SRARP: variants seen among roughly 807,000 people sequenced by gnomAD.
SRARP encodes the protein steroid receptor associated and regulated protein.
A neutral mutation model predicts 3.6 loss-of-function variants in SRARP; 5 were observed. The observed-to-expected ratio is 1.39, with a 90% CI of 0.73 to 2.93. The LOEUF is 2.93. Among genes scored for constraint, SRARP ranks in the 30% most tolerant of loss-of-function variants. The pLI is 0.00. For missense variants in SRARP, 215 were observed against 216.7 expected (o/e 0.99, Z 0.05); for synonymous variants, 96 against 91.6 (o/e 1.05, Z -0.27).
Position 16,006,185 on chromosome 1 carries a change from G to C in SRARP, c.349G>C (p.Val117Leu). 1 of 1,613,908 alleles carries C rather than the reference G, an allele frequency of 6.2e-7. No individual in the cohort carries two copies. The highest frequency in any genetic ancestry group is 8.5e-7 in the Non-Finnish European group (1 of 1,180,026). The change falls in exon 2 of 2, where the codon GTG becomes CTG. Residue 117 changes from valine (V) to leucine (L), a missense_variant. Transcript: ENST00000329454. ...RATLPLCRGSVASASFPVSPL... is the reference protein window; with the variant it reads ...RATLPLCRGSLASASFPVSPL... ...CACCCTGCCGCTCTGCAGAGGGTCT[G>C]TGGCCTCAGCTTCCTTCCCAGTCAG...
rs199665491 is a variant in SRARP, at chr1:16,006,288, G to T, written c.452G>T (p.Gly151Val). 82 of 1,613,604 alleles carry T rather than the reference G, an allele frequency of 5.1e-5. No individual in the cohort carries two copies. In the East Asian group the frequency reaches 1.8e-3, roughly 35 times the overall value. Residue 151 changes from glycine (G) to valine (V), a missense_variant, in exon 2 of 2, where the codon GGA (glycine) becomes GTA (valine). By Grantham distance (109) the Gly-to-Val change is moderately radical (BLOSUM62 -3). Coordinates refer to ENST00000329454, the MANE Select transcript of SRARP (RefSeq NM_178840.4). ...GCGCCTGTGAGGTCTTCAACTTGGGGAACAGTCAAGGACTCACTGAAAGCC... is the reference window on the plus strand; with the variant it reads ...GCGCCTGTGAGGTCTTCAACTTGGGTAACAGTCAAGGACTCACTGAAAGCC... ...KAAPVRSSTW[G>V]TVKDSLKALS...
chr1:16,005,834 C>A, intron 1 of SRARP, 85 bp from the exon 2 acceptor site: 1 of 1,357,140 alleles, frequency 7.4e-7, no homozygotes, highest in Non-Finnish European at 1.0e-6. Context: ...TGACCTCCAG[C>A]CTGGGCGACA....
At position 16,006,577 on chromosome 1, in the gene SRARP, C is replaced by T. The variant is rs776053441; in HGVS notation, c.*231C>T. 2 of 522,380 alleles carry T rather than the reference C, an allele frequency of 3.8e-6. No homozygotes were observed. Among genetic ancestry groups the T allele is most frequent in the Non-Finnish European group, 6.6e-6 (2 of 302,166 alleles). 32.4% of individuals were successfully genotyped at this position (522,380 alleles called of 1,614,324 possible). ...TGGTACATCTTCCACATGCCAGGCC[C>T]TGCAAAGTGCTGGGGAGATACCATG... On this transcript the variant is annotated 3_prime_UTR_variant, in exon 2 of 2. Transcript: ENST00000329454.
At position 16,006,015 on chromosome 1, in the gene SRARP, C is replaced by G; in HGVS notation, c.179C>G (p.Thr60Ser). The change falls in exon 2 of 2, where the codon ACC becomes AGC. Residue 60 changes from threonine to serine, a missense_variant. Thr to Ser is a moderately conservative substitution (Grantham distance 58, BLOSUM62 1). Transcript: ENST00000329454. ...THGKQLSLAATASPPQAPSPN... is the reference protein window; with the variant it reads ...THGKQLSLAASASPPQAPSPN... ...GGGAAGCAGCTCTCCCTGGCAGCAACCGCATCACCACCCCAAGCCCCCAGT... is the reference window on the plus strand; with the variant it reads ...GGGAAGCAGCTCTCCCTGGCAGCAAGCGCATCACCACCCCAAGCCCCCAGT... 6.2e-7 allele frequency: 1 copy of G among 1,613,958 alleles called. No individual in the cohort carries two copies. Among genetic ancestry groups the G allele is most frequent in the East Asian group, 2.2e-5 (1 of 44,894 alleles).
rs1377064366 is a variant in SRARP at position 16,008,466 on chromosome 1, G to C, written c.*2120G>C. 6.6e-6 allele frequency: 1 copy of C among 152,250 alleles called. No homozygotes were observed. Among genetic ancestry groups the C allele is most frequent in the Non-Finnish European group, 1.5e-5 (1 of 68,092 alleles). 9.4% of individuals were successfully genotyped at this position (152,250 alleles called of 1,614,324 possible). A position where few individuals can be genotyped will look rare whatever the true frequency, so the allele number is the denominator to read the frequency against. On this transcript the variant is annotated 3_prime_UTR_variant, in exon 2 of 2. Transcript: ENST00000329454. Reference sequence around the variant, plus strand: ...GTTTATCCTCTAGTTGGGGGAGACAGGCAATGCACACACACAAAACAAACA... The same window carrying C: ...GTTTATCCTCTAGTTGGGGGAGACACGCAATGCACACACACAAAACAAACA...
In SRARP at chr1:16,007,152, CAAAAA is replaced by C. The variant is rs1362322855; in HGVS notation, c.*807_*811del. The C allele has an allele frequency of 6.7e-6, 1 of 148,780 alleles. No individual in the cohort carries two copies. Among genetic ancestry groups the C allele is most frequent in the East Asian group, 2.0e-4 (1 of 4,936 alleles). 9.2% of individuals were successfully genotyped at this position (148,780 alleles called of 1,614,324 possible). On this transcript the variant is annotated 3_prime_UTR_variant, in exon 2 of 2. Coordinates refer to ENST00000329454, the MANE Select transcript of SRARP (RefSeq NM_178840.4). ...GCTTCTCAAAAGGGAGGGAGGTACT[CAAAAA>C]TAGAGTATCATGTTTGAACGAATGA... is the stretch of plus-strand genomic sequence containing the variant.
At position 16,004,240 on chromosome 1, in the gene SRARP, C is replaced by A; in HGVS notation, c.-64C>A. 1 of 1,395,808 alleles carries A rather than the reference C, an allele frequency of 7.2e-7. No homozygotes were observed. Among genetic ancestry groups the A allele is most frequent in the Non-Finnish European group, 9.9e-7 (1 of 1,008,868 alleles). The allele number at this position is 1,395,808 out of a possible 1,614,324, so 86.5% of individuals were successfully genotyped here. ...TGGTCCCGCAGTGGGGGAGCCACAT[C>A]CTGGAAGAGTGGCCTAGGACAGCTC... On this transcript the variant is annotated 5_prime_UTR_variant, in exon 1 of 2. Coordinates refer to ENST00000329454, the MANE Select transcript of SRARP (RefSeq NM_178840.4).
chr1:16,006,189 C>T lies in SRARP; in HGVS notation c.353C>T (p.Ala118Val). The change falls in exon 2 of 2, where the codon GCC (alanine) becomes GTC (valine). Residue 118 changes from alanine (A) to valine (V), a missense_variant. By Grantham distance (64) the Ala-to-Val change is moderately conservative. Transcript: ENST00000329454. ...CTGCCGCTCTGCAGAGGGTCTGTGG[C>T]CTCAGCTTCCTTCCCAGTCAGCCCG... ...ATLPLCRGSV[A>V]SASFPVSPLC... The T allele has an allele frequency of 2.5e-6, 4 of 1,613,926 alleles. No individual in the cohort carries two copies. The highest frequency in any genetic ancestry group is 3.4e-6 in the Non-Finnish European group (4 of 1,180,038).
chr1:16,004,881 C>T (rs1347439779), intron 1 of SRARP, among the ~76,000 whole-genome samples: 3 of 152,122 alleles, frequency 2.0e-5, no homozygotes, highest in Admixed American at 1.3e-4. Context: ...TCTGAGCCCA[C>T]GTCGTGTTTC....
chr1:16,006,088 C>A lies in SRARP; in HGVS notation c.252C>A (p.Phe84Leu), dbSNP rs560147381. 220 of 1,613,962 alleles carry A rather than the reference C, an allele frequency of 1.4e-4. 1 individual carries two copies. In the South Asian group the frequency reaches 2.4e-3, roughly 17 times the overall value. Residue 84 changes from phenylalanine (F) to leucine (L), a missense_variant, in exon 2 of 2, where the codon TTC becomes TTA. Physicochemically the swap from Phe to Leu is conservative, Grantham distance 22. Transcript: ENST00000329454. ...VTPPMKTYIVFCGENWPHLTR... is the reference protein window; with the variant it reads ...VTPPMKTYIVLCGENWPHLTR... ...CACCAATGAAGACCTACATCGTGTT[C>A]TGTGGGGAAAACTGGCCCCATCTGA...
chr1:16,008,023 G>A lies in SRARP; in HGVS notation c.*1677G>A, dbSNP rs1200421972. The A allele has an allele frequency of 1.3e-5, 2 of 152,182 alleles. No individual in the cohort carries two copies. Among genetic ancestry groups the A allele is most frequent in the East Asian group, 3.9e-4 (2 of 5,192 alleles). 9.4% of individuals were successfully genotyped at this position (152,182 alleles called of 1,614,324 possible). A position where few individuals can be genotyped will look rare whatever the true frequency, so the allele number is the denominator to read the frequency against. ...CTGGTAGCGTCTCTTCTAGGCAGAG[G>A]GGACACACAGAGGATAAATGTAACC... On this transcript the variant is annotated 3_prime_UTR_variant, in exon 2 of 2. Transcript: ENST00000329454.
intron 1 of SRARP, among the ~76,000 whole-genome samples, chr1:16,004,713 CAAAAAAAAAA>C: frequency 3.2e-5 from 1 of 31,644 alleles, no homozygotes; most frequent in East Asian, 1.1e-3. Flanking sequence ...GACTCCATCT[CAAAAAAAAAA>C]AAAAAAAAAA....
In SRARP at chr1:16,007,052, G is replaced by A. The variant is rs2073133520; in HGVS notation, c.*706G>A. 1 of 152,224 alleles carries A rather than the reference G, an allele frequency of 6.6e-6. No individual in the cohort carries two copies. The highest frequency in any genetic ancestry group is 1.5e-5 in the Non-Finnish European group (1 of 68,064). 9.4% of individuals were successfully genotyped at this position (152,224 alleles called of 1,614,324 possible). A position where few individuals can be genotyped will look rare whatever the true frequency, so the allele number is the denominator to read the frequency against. Reference sequence around the variant, plus strand: ...TGGGGCTGGGAGGCTCAGGGAAGTTGGCTCCAGGAGACTCCATCCCATAAG... The same window carrying A: ...TGGGGCTGGGAGGCTCAGGGAAGTTAGCTCCAGGAGACTCCATCCCATAAG... On this transcript the variant is annotated 3_prime_UTR_variant, in exon 2 of 2. Coordinates refer to ENST00000329454, the MANE Select transcript of SRARP (RefSeq NM_178840.4).
chr1:16,006,059 A>G lies in SRARP; in HGVS notation c.223A>G (p.Thr75Ala). The G allele has an allele frequency of 6.2e-7, 1 of 1,613,822 alleles. No individual in the cohort carries two copies. Among genetic ancestry groups the G allele is most frequent in the Non-Finnish European group, 8.5e-7 (1 of 1,179,960 alleles). ...QAPSPNRGLV[T>A]PPMKTYIVFC... ...CCCCAGTCCCAATCGAGGGCTTGTC[A>G]CCCCACCAATGAAGACCTACATCGT... The change falls in exon 2 of 2, where the codon ACC becomes GCC. Residue 75 changes from threonine to alanine, a missense_variant. Physicochemically the swap from Thr to Ala is moderately conservative, Grantham distance 58 (BLOSUM62 0). Transcript: ENST00000329454.
chr1:16,008,304 C>T lies in SRARP; in HGVS notation c.*1958C>T, dbSNP rs965443313. Reference sequence around the variant, plus strand: ...GAGTGCTCTGGGCAGAAGGACCAGTCGTTCAGTCTGGCTAGGGTAATTGTC... The same window carrying T: ...GAGTGCTCTGGGCAGAAGGACCAGTTGTTCAGTCTGGCTAGGGTAATTGTC... On this transcript the variant is annotated 3_prime_UTR_variant, in exon 2 of 2. Transcript: ENST00000329454. 1 of 152,168 alleles carries T rather than the reference C, an allele frequency of 6.6e-6. No individual in the cohort carries two copies. The highest frequency in any genetic ancestry group is 2.4e-5 in the African/African-American group (1 of 41,414). 9.4% of individuals were successfully genotyped at this position (152,168 alleles called of 1,614,324 possible).
Position 16,004,358 on chromosome 1 carries a change from C to T in SRARP, c.55C>T (p.Arg19Cys), listed in dbSNP as rs759923364. 36 of 1,608,828 alleles carry T rather than the reference C, an allele frequency of 2.2e-5. No individual in the cohort carries two copies. Among genetic ancestry groups the T allele is most frequent in the African/African-American group, 2.1e-4 (16 of 74,842 alleles). ...GAGAGCCAACCTCAAAGGCACCATC[C>T]GTGAGACAGGCCTGGAGACCAGCTC... ...DWRANLKGTI[R>C]ETGLETSSGG... Residue 19 changes from arginine (R) to cysteine (C), a missense_variant, in exon 1 of 2, where the codon CGT becomes TGT. By Grantham distance (180) the Arg-to-Cys change is radical. Transcript: ENST00000329454.
At chr1:16,005,394 T>C (rs1361343655) in intron 1 of SRARP, among the ~76,000 whole-genome samples, 1 of 152,010 alleles carries the variant, frequency 6.6e-6, no homozygotes, top group Non-Finnish European at 1.5e-5. Flanking sequence ...AACAGCAAAG[T>C]TGGGAGGCAC....
chr1:16,005,934 G>A lies in SRARP; in HGVS notation c.98G>A (p.Gly33Asp), dbSNP rs756049602. 1.3e-6 allele frequency: 2 copies of A among 1,575,954 alleles called. No individual in the cohort carries two copies. Among genetic ancestry groups the A allele is most frequent in the Admixed American group, 1.9e-5 (1 of 53,660 alleles). The change falls in exon 2 of 2, where the codon GGC becomes GAC. Residue 33 changes from glycine (G) to aspartate (D), a missense_variant. Coordinates refer to ENST00000329454, the MANE Select transcript of SRARP (RefSeq NM_178840.4). Reference protein sequence around the residue: ...LETSSGGKLAGHQKTVPTAHL... With the variant: ...LETSSGGKLADHQKTVPTAHL... The stretch of plus-strand genomic sequence containing the variant: ...TCTCTTCTAGGTGGGAAGCTGGCTG[G>A]CCATCAGAAGACCGTCCCCACGGCT...
rs1389567842 is a variant in SRARP, at chr1:16,004,356, T to C, written c.53T>C (p.Ile18Thr). The C allele has an allele frequency of 1.9e-6, 3 of 1,609,028 alleles. No individual in the cohort carries two copies. In the Admixed American group the frequency reaches 5.1e-5, roughly 27 times the overall value. ...TGGAGAGCCAACCTCAAAGGCACCA[T>C]CCGTGAGACAGGCCTGGAGACCAGC... ...RDWRANLKGT[I>T]RETGLETSSG... Residue 18 changes from isoleucine to threonine, a missense_variant, in exon 1 of 2, where the codon ATC (isoleucine) becomes ACC (threonine). Physicochemically the swap from Ile to Thr is moderately conservative, Grantham distance 89. Transcript: ENST00000329454.
Sources: gnomAD v4.1 joint callset for allele counts (sites outside exome capture counted in the v4.1 genomes callset) on GRCh38, gnomAD v4.1.1 for gene constraint, MANE v1.5 for transcripts, NCBI Gene and HGNC (gene_info 2026-07-23, HGNC 2026-07-21) for gene names.